Variants in ALS2CL observed in about 807,000 individuals in gnomAD.
The protein encoded by ALS2CL is ALS2 C-terminal-like protein.
A neutral mutation model predicts 127.9 loss-of-function variants in ALS2CL; 112 were observed. That is an observed-to-expected ratio of 0.88 (90% CI 0.75 to 1.02). The LOEUF is 1.02. Ranked by LOEUF, ALS2CL falls within the 50% of genes least tolerant of loss-of-function variation. The pLI, the probability that ALS2CL is intolerant of heterozygous loss-of-function variation, is 0.00. For missense variants in ALS2CL, 1,174 were observed against 1,236.7 expected, an observed-to-expected ratio of 0.95 and a Z score of 0.76; for synonymous variants, 519 against 527.6, an observed-to-expected ratio of 0.98 and a Z score of 0.22.
intron 7 of ALS2CL, among the ~76,000 whole-genome samples, chr3:46,684,771 C>G (rs1021080005): frequency 3.3e-5 from 5 of 152,140 alleles, no homozygotes; most frequent in African/African-American, 1.2e-4. Context: ...CATCAGTGTA[C>G]CTGGAGTGGA....
At position 46,689,462 on chromosome 3, in the gene ALS2CL, C is replaced by T. The variant is rs778703682; in HGVS notation, c.-22G>A. The T allele has an allele frequency of 1.3e-6, 2 of 1,582,870 alleles. No individual in the cohort carries two copies. The highest frequency in any genetic ancestry group is 2.3e-5 in the South Asian group (2 of 86,550). ...ACATGGCCAGGTGCCGGACTCAGGG[C>T]CTCCTAGGTAGGGCACAGGTTACAG... On this transcript the variant is annotated 5_prime_UTR_variant, in exon 2 of 26. Transcript: ENST00000318962.
chr3:46,692,344 G>A (rs1173090322), intron 1 of ALS2CL, among the ~76,000 whole-genome samples: 3 of 152,078 alleles, frequency 2.0e-5, no homozygotes, highest in African/African-American at 7.2e-5. Flanking sequence ...TCCTGCAGGA[G>A]TACCCCCCTC....
chr3:46,680,345 C>T, intron 14 of ALS2CL, 85 bp downstream of exon 14: 1 of 1,396,116 alleles, frequency 7.2e-7, no homozygotes. Flanking sequence ...TCCCATCCCT[C>T]CCTGAAAGGC....
At chr3:46,685,421 C>A (rs757585693) in intron 7 of ALS2CL, 104 bp downstream of exon 7, 29 of 1,532,648 alleles carry the variant, frequency 1.9e-5, no homozygotes, top group Admixed American at 1.8e-4. Flanking sequence ...TCCCTCCCAG[C>A]CCACTTTCTC....
chr3:46,677,068 G>T lies in ALS2CL; in HGVS notation c.1758-46C>A, dbSNP rs367765526. 14 of 1,554,464 alleles carry T rather than the reference G, an allele frequency of 9.0e-6. No homozygotes were observed. The South Asian group carries it at 1.6e-4, about 18-fold the overall frequency. Reference sequence around the variant, plus strand: ...GGGTGATGGGGCAGAGAGAGATGGAGCTGAGGTAGGCAGGACTCTGCCCAG... The same window carrying T: ...GGGTGATGGGGCAGAGAGAGATGGATCTGAGGTAGGCAGGACTCTGCCCAG... On this transcript the variant is annotated intron_variant, in intron 16 of 25. Transcript: ENST00000318962.
In ALS2CL at chr3:46,681,065, T is replaced by C; in HGVS notation, c.1436+181A>G. 1.0e-6 allele frequency: 1 copy of C among 994,420 alleles called. No individual in the cohort carries two copies. The highest frequency in any genetic ancestry group is 2.4e-5 in the East Asian group (1 of 41,440). The allele number at this position is 994,420 out of a possible 1,614,324, so 61.6% of individuals were successfully genotyped here. On this transcript the variant is annotated intron_variant, in intron 13 of 25. Transcript: ENST00000318962. The surrounding 1 kb of genome is among the most constrained non-coding windows in gnomAD (Gnocchi z 4.9). ...GTGAGGGGCGGGGGCGACCCTGCAG[T>C]CAGCGTGACCAAGATTCGCTCAGCC... is the stretch of plus-strand genomic sequence containing the variant.
At chr3:46,676,447 C>A in intron 18 of ALS2CL, 45 bp from the exon 19 acceptor site, 10 of 1,609,498 alleles carry the variant, frequency 6.2e-6, no homozygotes, top group South Asian at 1.1e-5. Flanking sequence ...GCACTGGGGT[C>A]TGGAGCACAG....
Position 46,674,652 on chromosome 3 carries a change from C to A in ALS2CL, c.2343G>T (p.Glu781Asp). Residue 781 changes from glutamate (E) to aspartate (D), a missense_variant, in exon 21 of 26, where the codon GAG becomes GAT. Coordinates refer to ENST00000318962, the MANE Select transcript of ALS2CL (RefSeq NM_147129.5). ...CCTGGCTGTAGAAGCTGTCCTCCCG[C>A]TCATGAAGCAGCAGGTAGAGCGTGA... ...ELFTLYLLLH[E>D]REDSFYSQGI... is the part of the protein sequence containing the mutation. 1 of 1,614,154 alleles carries A rather than the reference C, an allele frequency of 6.2e-7. No homozygotes were observed. The highest frequency in any genetic ancestry group is 8.5e-7 in the Non-Finnish European group (1 of 1,180,024).
intron 16 of ALS2CL, 100 bp from the exon 17 acceptor site, chr3:46,677,122 G>A (rs1377600978): frequency 6.7e-7 from 1 of 1,494,678 alleles, no homozygotes; most frequent in African/African-American, 1.4e-5. Context: ...GTATGAGCCT[G>A]GCCCAGGATC....
At chr3:46,688,838 GT>G (rs1699975137) in intron 2 of ALS2CL, among the ~76,000 whole-genome samples, 1 of 152,210 alleles carries the variant, frequency 6.6e-6, no homozygotes, top group African/African-American at 2.4e-5. Context: ...GCAGTTTCCA[GT>G]TTTTTACCCT....
chr3:46,681,477 A>G lies in ALS2CL; in HGVS notation c.1274+23T>C. On this transcript the variant is annotated intron_variant, in intron 12 of 25. Transcript: ENST00000318962. This position sits in a 1 kb window ranked among gnomAD's most constrained non-coding sequence, Gnocchi z 4.9. ...CCCAGAGGATGGGCCCAGCCCATGA[A>G]CCCCCCAGCCAGGGTCACTTACTCA... 6.2e-7 allele frequency: 1 copy of G among 1,613,800 alleles called. No individual in the cohort carries two copies. Among genetic ancestry groups the G allele is most frequent in the South Asian group, 1.1e-5 (1 of 91,046 alleles).
chr3:46,671,542 C>T lies in ALS2CL; in HGVS notation c.2727G>A (p.Met909Ile), dbSNP rs146989129. ...GGCCTCCTGTGTGGTTGGGGTCCAT[C>T]ATGTCACGGATCAGGTGGATCTCGG... ...LGAEIHLIRDMMDPNHTGGLY... is the reference protein window; with the variant it reads ...LGAEIHLIRDIMDPNHTGGLY... The change falls in exon 25 of 26, where the codon ATG becomes ATA. Residue 909 changes from methionine (M) to isoleucine (I), a missense_variant. Met to Ile is a conservative substitution (Grantham distance 10). Coordinates refer to ENST00000318962, the MANE Select transcript of ALS2CL (RefSeq NM_147129.5). The T allele has an allele frequency of 4.5e-5, 72 of 1,613,924 alleles. No individual in the cohort carries two copies. Among genetic ancestry groups the T allele is most frequent in the Non-Finnish European group, 5.8e-5 (69 of 1,180,008 alleles).
intron 15 of ALS2CL, among the ~76,000 whole-genome samples, chr3:46,678,878 A>G (rs1399920159): frequency 2.0e-5 from 3 of 152,206 alleles, no homozygotes; most frequent in Non-Finnish European, 4.4e-5. Context: ...AGGGAGGCAC[A>G]CACTGAAGGC....
intron 16 of ALS2CL, 86 bp from the exon 17 acceptor site, chr3:46,677,108 G>A (rs1012717134): frequency 6.6e-7 from 1 of 1,506,504 alleles, no homozygotes; most frequent in South Asian, 1.3e-5. Flanking sequence ...TTGGAGGGGT[G>A]GGGGTATGAG....
intron 9 of ALS2CL, 68 bp downstream of exon 9, chr3:46,683,714 T>C: frequency 6.4e-7 from 1 of 1,570,608 alleles, no homozygotes; most frequent in Non-Finnish European, 8.8e-7. Flanking sequence ...CAGGGTTGCA[T>C]ACTTCTGCCC....
At chr3:46,685,500 G>C in intron 7 of ALS2CL, 25 bp downstream of exon 7, 1 of 1,611,122 alleles carries the variant, frequency 6.2e-7, no homozygotes, top group Middle Eastern at 1.7e-4. Context: ...GTGGCCTCAA[G>C]ACCTTGGGTC....
Position 46,676,654 on chromosome 3 carries a change from C to T in ALS2CL, c.2016G>A (p.Leu672=), listed in dbSNP as rs369331529. Residue 672 remains leucine (L), a synonymous_variant, in exon 18 of 26, where the codon CTG becomes CTA. Transcript: ENST00000318962. ...LQHREPKALQ[L]YLRKALSNSL... ...GCAGGGCTCTCACCTTCCTGAGGTACAGCTGCAGGGCCTTGGGCTCCCGGT... is the reference window on the plus strand; with the variant it reads ...GCAGGGCTCTCACCTTCCTGAGGTATAGCTGCAGGGCCTTGGGCTCCCGGT... 2 of 1,613,366 alleles carry T rather than the reference C, an allele frequency of 1.2e-6. No individual in the cohort carries two copies. The highest frequency in any genetic ancestry group is 1.3e-5 in the African/African-American group (1 of 74,848).
chr3:46,671,983 C>T lies in ALS2CL; in HGVS notation c.2585G>A (p.Gly862Glu), dbSNP rs1319897374. ...EKLEVLERTYGEIEGTVSRVL... is the reference protein window; with the variant it reads ...EKLEVLERTYEEIEGTVSRVL... Reference sequence around the variant, plus strand: ...CCTCGACACCGTGCCCTCAATTTCCCCGTATGTCCTCTCCAGCACCTCCAG... The same window carrying T: ...CCTCGACACCGTGCCCTCAATTTCCTCGTATGTCCTCTCCAGCACCTCCAG... The change falls in exon 24 of 26, where the codon GGG becomes GAG. Residue 862 changes from glycine (G) to glutamate (E), a missense_variant. Gly to Glu is a moderately conservative substitution (Grantham distance 98). Transcript: ENST00000318962. 7 of 1,614,050 alleles carry T rather than the reference C, an allele frequency of 4.3e-6. No homozygotes were observed. The highest frequency in any genetic ancestry group is 1.3e-5 in the African/African-American group (1 of 75,024).
At position 46,674,740 on chromosome 3, in the gene ALS2CL, C is replaced by G. The variant is rs781657947; in HGVS notation, c.2256-1G>C. 1.7e-5 allele frequency: 27 copies of G among 1,605,116 alleles called. No homozygotes were observed. Among genetic ancestry groups the G allele is most frequent in the Non-Finnish European group, 2.1e-5 (25 of 1,175,692 alleles). ...CACCAATCCATGCACCTGGAGGTCC[C>G]TGATGGGGAGACCGGAACAGGTTGG... On this transcript the variant is annotated splice_acceptor_variant, in intron 20 of 25. Coordinates refer to ENST00000318962, the MANE Select transcript of ALS2CL (RefSeq NM_147129.5). LOFTEE classifies it high-confidence loss of function.
Sources: gnomAD v4.1 joint callset for allele counts (sites outside exome capture counted in the v4.1 genomes callset) on GRCh38, gnomAD v4.1.1 for gene constraint, Gnocchi (gnomAD v3.1) non-coding constraint, MANE v1.5 for transcripts, NCBI Gene and HGNC (gene_info 2026-07-23, HGNC 2026-07-21) for gene names.